Variants in SPECC1 observed in about 807,000 individuals in gnomAD.
The protein encoded by SPECC1 is cytospin-B.
In SPECC1, 62 loss-of-function variants were observed where a neutral mutation model predicts 104.1. The observed-to-expected ratio is 0.60, with a 90% CI of 0.49 to 0.74. The LOEUF is 0.74. Among genes scored for constraint, SPECC1 ranks in the 30% least tolerant of loss-of-function variants. The probability of loss-of-function intolerance (pLI) is 0.00; values close to 1 mark genes in which losing one functional copy is unlikely to be tolerated. For missense variants in SPECC1, 1,306 were observed against 1,310.5 expected (o/e 1.00, Z 0.05); for synonymous variants, 513 against 501.6 (o/e 1.02, Z -0.30).
intron 1 of SPECC1, chr17:20,018,136 C>T (rs964871712): frequency 4.6e-5 from 7 of 152,258 alleles, no homozygotes; most frequent in African/African-American, 1.4e-4. Flanking sequence ...CTCTGCTGTT[C>T]TATCTGCTGT....
chr17:20,018,468 G>A (rs2044236729), intron 1 of SPECC1, among the ~76,000 whole-genome samples: 1 of 152,228 alleles, frequency 6.6e-6, no homozygotes, highest in Non-Finnish European at 1.5e-5. Flanking sequence ...ATAGGTCACT[G>A]TAACTTTGAA....
chr17:20,089,707 T>C (rs963810268), intron 1 of SPECC1, among the ~76,000 whole-genome samples: 16 of 152,190 alleles, frequency 1.1e-4, no homozygotes, highest in Admixed American at 5.9e-4. Flanking sequence ...TTCAGAAATC[T>C]GTCTTGAATA....
At chr17:20,198,329 T>C (rs2036177980) in intron 3 of SPECC1, among the ~76,000 whole-genome samples, 1 of 152,132 alleles carries the variant, frequency 6.6e-6, no homozygotes, top group African/African-American at 2.4e-5. Flanking sequence ...GAGAAAAGCA[T>C]TGCCTGTAGC....
At chr17:20,215,108 G>C (rs997578919) in intron 4 of SPECC1, among the ~76,000 whole-genome samples, 1 of 152,206 alleles carries the variant, frequency 6.6e-6, no homozygotes, top group Non-Finnish European at 1.5e-5. Flanking sequence ...GCCCTTCCAG[G>C]CCAAGAGTCC....
intron 3 of SPECC1, among the ~76,000 whole-genome samples, chr17:20,192,092 A>G (rs2035710388): frequency 1.3e-5 from 2 of 151,982 alleles, no homozygotes; most frequent in African/African-American, 4.8e-5. Flanking sequence ...GTAAGCCACC[A>G]TGCCCAGCTA....
At chr17:20,180,485 T>C (rs568988516) in intron 3 of SPECC1, among the ~76,000 whole-genome samples, 1 of 152,352 alleles carries the variant, frequency 6.6e-6, no homozygotes, top group East Asian at 1.9e-4. Flanking sequence ...CAAAAGAATT[T>C]GGTAAGAAAC....
chr17:20,220,451 C>G (rs548321599), intron 4 of SPECC1, among the ~76,000 whole-genome samples: 38 of 151,878 alleles, frequency 2.5e-4, no homozygotes, highest in African/African-American at 9.2e-4. Context: ...GGATTACTTT[C>G]TTGATTCCTT....
chr17:20,210,843 T>C (rs578238853), intron 4 of SPECC1, among the ~76,000 whole-genome samples: 39 of 149,190 alleles, frequency 2.6e-4, no homozygotes, highest in Non-Finnish European at 1.9e-4. Flanking sequence ...TTCCCACCCC[T>C]CCCTCCATGC....
At chr17:20,231,719 A>T in intron 5 of SPECC1, 39 bp from the exon 6 acceptor site, 1 of 1,600,174 alleles carries the variant, frequency 6.2e-7, no homozygotes, top group Non-Finnish European at 8.6e-7. Context: ...TAAGAGTCTC[A>T]CAGCTTTTCT....
In SPECC1 at chr17:20,223,726, T is replaced by G. The variant is rs923127435; in HGVS notation, c.1864-3687T>G. 8.5e-5 allele frequency among the ~76,000 whole-genome samples: 13 copies of G among 152,324 alleles called. No individual in the cohort carries two copies. In the South Asian group the frequency reaches 2.7e-3, roughly 32 times the overall value. On this transcript the variant is annotated intron_variant, in intron 4 of 14. Coordinates refer to ENST00000395527, the MANE Select transcript of SPECC1 (RefSeq NM_001243439.2). The stretch of plus-strand genomic sequence containing the variant: ...TTTATTAAATATATCGAAAGGATTC[T>G]AAATTCTTTCGCTGTGTTATCTTGA...
intron 12 of SPECC1, among the ~76,000 whole-genome samples, chr17:20,295,056 AC>A (rs2041301960): frequency 6.6e-6 from 1 of 151,926 alleles, no homozygotes; most frequent in Middle Eastern, 3.4e-3. Flanking sequence ...GTTCTGGGGT[AC>A]ATGTGCACAA....
chr17:20,102,716 G>A (rs868716142), intron 2 of SPECC1, among the ~76,000 whole-genome samples: 2 of 152,246 alleles, frequency 1.3e-5, no homozygotes, highest in Middle Eastern at 3.4e-3. Flanking sequence ...CTTGCTTGAT[G>A]TTCTATTGTA....
intron 3 of SPECC1, among the ~76,000 whole-genome samples, chr17:20,148,810 C>T (rs2031713468): frequency 6.6e-6 from 1 of 152,074 alleles, no homozygotes; most frequent in African/African-American, 2.4e-5. Flanking sequence ...GCCTCTGCCT[C>T]CCAGGTTCAA....
intron 1 of SPECC1, among the ~76,000 whole-genome samples, chr17:20,090,079 T>A (rs1195229401): frequency 6.6e-6 from 1 of 152,188 alleles, no homozygotes; most frequent in East Asian, 1.9e-4. Context: ...GGAGAAGATT[T>A]TCTGGAGCGG....
chr17:20,145,273 T>A (rs564012722), intron 3 of SPECC1, among the ~76,000 whole-genome samples: 54 of 152,310 alleles, frequency 3.5e-4, no homozygotes, highest in African/African-American at 1.3e-3. Flanking sequence ...GGTCTCTTGC[T>A]TGTAAGTAGA....
chr17:20,018,694 C>G (rs1177448871), intron 1 of SPECC1, among the ~76,000 whole-genome samples: 5 of 152,230 alleles, frequency 3.3e-5, no homozygotes, highest in African/African-American at 4.8e-5. Context: ...GCACAATCAG[C>G]AAAGGGAAAG....
At chr17:20,061,132 C>T (rs1038126975) in intron 1 of SPECC1, among the ~76,000 whole-genome samples, 11 of 152,186 alleles carry the variant, frequency 7.2e-5, no homozygotes, top group African/African-American at 2.2e-4. Flanking sequence ...AGAGCAGTGG[C>T]GCGATCTCGG....
intron 3 of SPECC1, among the ~76,000 whole-genome samples, chr17:20,143,918 G>A (rs2031146956): frequency 6.6e-6 from 1 of 152,144 alleles, no homozygotes; most frequent in East Asian, 1.9e-4. Flanking sequence ...CAGGGCGTGG[G>A]GGAGCCCAGG....
intron 12 of SPECC1, among the ~76,000 whole-genome samples, chr17:20,284,170 G>C (rs2040867094): frequency 6.6e-6 from 1 of 152,170 alleles, no homozygotes; most frequent in South Asian, 2.1e-4. Flanking sequence ...CCTGGGAGAA[G>C]GGAAACTCCT....
Sources: allele counts gnomAD v4.1 joint callset (sites outside exome capture counted in the v4.1 genomes callset), GRCh38; gene constraint gnomAD v4.1.1; transcripts MANE v1.5; gene names NCBI Gene and HGNC (gene_info 2026-07-23, HGNC 2026-07-21).